The following ZBTB21 variants were observed in gnomAD, a reference collection of about 807,000 sequenced individuals.
ZBTB21 encodes zinc finger and BTB domain containing 21.
A neutral mutation model predicts 39.8 loss-of-function variants in ZBTB21; 10 were observed. The observed-to-expected ratio is 0.25, with a 90% CI of 0.16 to 0.43. The LOEUF (loss-of-function observed/expected upper bound fraction) is 0.43. ZBTB21 is among the 20% of genes least tolerant of loss of function. The pLI, the probability that ZBTB21 is intolerant of heterozygous loss-of-function variation, is 1.00. For missense variants in ZBTB21, 1,221 were observed against 1,296.3 expected (o/e 0.94, Z 0.89); for synonymous variants, 551 against 498.8 (o/e 1.10, Z -1.40).
Position 41,993,296 on chromosome 21 carries a change from G to C in ZBTB21, c.800C>G (p.Ala267Gly). ...GVSGQLPKGKALELALKRPRP... is the reference protein window; with the variant it reads ...GVSGQLPKGKGLELALKRPRP... ...TGGTCTCTTCAAAGCCAGCTCTAGA[G>C]CTTTTCCTTTTGGAAGCTGACCACT... The change falls in exon 3 of 3, where the codon GCT (alanine) becomes GGT (glycine). Residue 267 changes from alanine to glycine, a missense_variant. Physicochemically the swap from Ala to Gly is moderately conservative, Grantham distance 60. Around this residue, in one of 4 missense-constraint regions of ZBTB21, gnomAD observed 500 missense variants for 465.6 expected, o/e 1.07. Transcript: ENST00000310826. The C allele has an allele frequency of 6.2e-7, 1 of 1,613,142 alleles. No homozygotes were observed. The highest frequency in any genetic ancestry group is 1.3e-5 in the African/African-American group (1 of 75,026).
At position 41,994,080 on chromosome 21, in the gene ZBTB21, G is replaced by A; in HGVS notation, c.16C>T (p.His6Tyr). MEGLL[H>Y]YINPAHAISL... ...ATGGCGTGTGCAGGGTTGATGTAAT[G>A]CAGTAATCCCTCCATGGCTTGAGTT... is the stretch of plus-strand genomic sequence containing the variant. Residue 6 changes from histidine (H) to tyrosine (Y), a missense_variant, in exon 3 of 3, where the codon CAT becomes TAT. Transcript: ENST00000310826. The A allele has an allele frequency of 6.3e-7, 1 of 1,587,476 alleles. No individual in the cohort carries two copies. The highest frequency in any genetic ancestry group is 8.6e-7 in the Non-Finnish European group (1 of 1,167,358).
rs1174457939 is a variant in ZBTB21 at position 41,990,385 on chromosome 21, A to G, written c.*510T>C. 6.6e-6 allele frequency: 1 copy of G among 152,662 alleles called. No individual in the cohort carries two copies. The highest frequency in any genetic ancestry group is 2.4e-5 in the African/African-American group (1 of 41,460). 9.5% of individuals were successfully genotyped at this position (152,662 alleles called of 1,614,324 possible). ...ATATTTATTTTTATCAAGTGTCAGG[A>G]TAACTTATTAAAGTTGAGATTTATC... On this transcript the variant is annotated 3_prime_UTR_variant, in exon 3 of 3. Coordinates refer to ENST00000310826, the MANE Select transcript of ZBTB21 (RefSeq NM_001098402.2).
Position 41,987,668 on chromosome 21 carries a change from C to A in ZBTB21, c.*3227G>T, listed in dbSNP as rs2065595952. 1 of 152,166 alleles carries A rather than the reference C, an allele frequency of 6.6e-6. No homozygotes were observed. Among genetic ancestry groups the A allele is most frequent in the African/African-American group, 2.4e-5 (1 of 41,442 alleles). 9.4% of individuals were successfully genotyped at this position (152,166 alleles called of 1,614,324 possible). ...CTAATTACTTTTTACTAAGAAACTTCAAATAATTTTACTTCCTGAAGTTCC... is the reference window on the plus strand; with the variant it reads ...CTAATTACTTTTTACTAAGAAACTTAAAATAATTTTACTTCCTGAAGTTCC... On this transcript the variant is annotated 3_prime_UTR_variant, in exon 3 of 3. Coordinates refer to ENST00000310826, the MANE Select transcript of ZBTB21 (RefSeq NM_001098402.2).
chr21:42,006,247 T>G (rs757371370), intron 1 of ZBTB21, among the ~76,000 whole-genome samples: 18 of 152,004 alleles, frequency 1.2e-4, no homozygotes, highest in Non-Finnish European at 2.4e-4. Flanking sequence ...ATACCCTGTC[T>G]CTACTAAAAA....
chr21:42,004,945 T>C (rs1158981949), intron 1 of ZBTB21, among the ~76,000 whole-genome samples: 1 of 152,234 alleles, frequency 6.6e-6, no homozygotes, highest in Non-Finnish European at 1.5e-5. Context: ...CATCACTCAC[T>C]TGGTGACAAC....
At chr21:41,997,851 G>A in intron 2 of ZBTB21, among the ~76,000 whole-genome samples, 1 of 151,918 alleles carries the variant, frequency 6.6e-6, no homozygotes, top group East Asian at 1.9e-4. Flanking sequence ...CAGACACTTG[G>A]GTTGAGATGC....
At chr21:41,996,489 G>C (rs1365128407) in intron 2 of ZBTB21, among the ~76,000 whole-genome samples, 1 of 152,164 alleles carries the variant, frequency 6.6e-6, no homozygotes, top group Non-Finnish European at 1.5e-5. Context: ...AACGGCTGTA[G>C]TTACCCAATG....
At chr21:41,996,505 AC>A (rs1017687725) in intron 2 of ZBTB21, among the ~76,000 whole-genome samples, 6 of 152,106 alleles carry the variant, frequency 3.9e-5, no homozygotes, top group Admixed American at 3.3e-4. Flanking sequence ...CAATGCCTGT[AC>A]CCCCACTGTA....
chr21:42,003,162 T>C (rs764899395), intron 1 of ZBTB21, among the ~76,000 whole-genome samples: 6 of 152,260 alleles, frequency 3.9e-5, no homozygotes, highest in East Asian at 1.9e-4. Context: ...ACCCACCACA[T>C]AGGATTTTTA....
chr21:42,009,272 G>A (rs1434452821), intron 1 of ZBTB21: 1 of 152,226 alleles, frequency 6.6e-6, no homozygotes, highest in Non-Finnish European at 1.5e-5. Context: ...GAGCCCTCGT[G>A]GCTGGGACCG....
In ZBTB21 at chr21:41,991,959, C is replaced by G; in HGVS notation, c.2137G>C (p.Ala713Pro). ...VAKPKEHAPL[A>P]SPVENKEVYQ... ...ACCTCCTTGTTTTCTACTGGACTTGCAAGAGGAGCATGCTCTTTTGGTTTA... is the reference window on the plus strand; with the variant it reads ...ACCTCCTTGTTTTCTACTGGACTTGGAAGAGGAGCATGCTCTTTTGGTTTA... The change falls in exon 3 of 3, where the codon GCA becomes CCA. Residue 713 changes from alanine to proline, a missense_variant. Around this residue, in one of 4 missense-constraint regions of ZBTB21, gnomAD observed 523 missense variants for 542.5 expected, o/e 0.96. Coordinates refer to ENST00000310826, the MANE Select transcript of ZBTB21 (RefSeq NM_001098402.2). This position sits in a 1 kb window ranked among gnomAD's most constrained non-coding sequence, Gnocchi z 4.9. 1.2e-6 allele frequency: 2 copies of G among 1,614,108 alleles called. No individual in the cohort carries two copies. Among genetic ancestry groups the G allele is most frequent in the Non-Finnish European group, 1.7e-6 (2 of 1,180,032 alleles).
intron 2 of ZBTB21, among the ~76,000 whole-genome samples, chr21:41,999,197 G>A (rs1225412843): frequency 6.6e-6 from 1 of 152,192 alleles, no homozygotes; most frequent in Non-Finnish European, 1.5e-5. Context: ...GGGAAAAGCT[G>A]TAACACAGAA....
rs1268332462 is a variant in ZBTB21 at position 41,988,126 on chromosome 21, T to C, written c.*2769A>G. ...TCTACAAATCTTCAAATATTACTGT[T>C]AAAATGCACAATATTTGTTACCTCC... On this transcript the variant is annotated 3_prime_UTR_variant, in exon 3 of 3. Transcript: ENST00000310826. 1 of 152,230 alleles carries C rather than the reference T, an allele frequency of 6.6e-6. No homozygotes were observed. Among genetic ancestry groups the C allele is most frequent in the Admixed American group, 6.5e-5 (1 of 15,280 alleles). The allele number at this position is 152,230 out of a possible 1,614,324, so 9.4% of individuals were successfully genotyped here.
chr21:42,003,741 C>A (rs1235164911), intron 1 of ZBTB21, among the ~76,000 whole-genome samples: 1 of 152,170 alleles, frequency 6.6e-6, no homozygotes, highest in African/African-American at 2.4e-5. Context: ...CTTCTGGTCC[C>A]AAGCATTTCA....
In ZBTB21 at chr21:41,991,582, G is replaced by A. The variant is rs781748943; in HGVS notation, c.2514C>T (p.Ile838=). Residue 838 remains isoleucine, a synonymous_variant, in exon 3 of 3, where the codon ATC becomes ATT. Transcript: ENST00000310826. This position sits in a 1 kb window ranked among gnomAD's most constrained non-coding sequence, Gnocchi z 4.9. The part of the protein sequence containing the change: ...SQPEPNKVNH[I]VTTKDDNVFS... Reference sequence around the variant, plus strand: ...ACACGTTGTCGTCTTTTGTGGTGACGATGTGGTTTACTTTGTTGGGCTCAG... The same window carrying A: ...ACACGTTGTCGTCTTTTGTGGTGACAATGTGGTTTACTTTGTTGGGCTCAG... The A allele has an allele frequency of 5.6e-6, 9 of 1,614,074 alleles. No homozygotes were observed. The highest frequency in any genetic ancestry group is 4.0e-5 in the African/African-American group (3 of 74,916).
rs2065617966 is a variant in ZBTB21 at position 41,989,199 on chromosome 21, T to A, written c.*1696A>T. ...TGTGGAATTTTGGAGTTTTTTCAAG[T>A]GAAAGAATACAAGGCAAAATTTCAT... is the stretch of plus-strand genomic sequence containing the variant. On this transcript the variant is annotated 3_prime_UTR_variant, in exon 3 of 3. Transcript: ENST00000310826. The A allele has an allele frequency of 6.6e-6, 1 of 152,126 alleles. No individual in the cohort carries two copies. The highest frequency in any genetic ancestry group is 2.4e-5 in the African/African-American group (1 of 41,434). The allele number at this position is 152,126 out of a possible 1,614,324, so 9.4% of individuals were successfully genotyped here.
At position 41,994,014 on chromosome 21, in the gene ZBTB21, G is replaced by A; in HGVS notation, c.82C>T (p.Gln28Ter). 6.2e-7 allele frequency: 1 copy of A among 1,614,238 alleles called. No individual in the cohort carries two copies. The highest frequency in any genetic ancestry group is 8.5e-7 in the Non-Finnish European group (1 of 1,180,038). The change falls in exon 3 of 3, where the codon CAG (glutamine) becomes TAG (stop). Residue 28 changes from glutamine to a stop codon, truncating the protein, a stop_gained. Coordinates refer to ENST00000310826, the MANE Select transcript of ZBTB21 (RefSeq NM_001098402.2). LOFTEE classifies it low-confidence loss of function (END_TRUNC). ...ACAATCAGCAGCACATCACACAGCT[G>A]TCCTTTGAGACGCTCCTCATTCAGG... ...SALNEERLKG[Q>*]LCDVLLIVGD...
chr21:41,994,245 T>G, intron 2 of ZBTB21, 137 bp from the exon 3 acceptor site: 1 of 636,234 alleles, frequency 1.6e-6, no homozygotes, highest in African/African-American at 1.8e-5. Context: ...GCTCTATGAA[T>G]GAACAATCTT....
At chr21:42,008,342 CAAA>C (rs767411984) in intron 1 of ZBTB21, among the ~76,000 whole-genome samples, 69 of 54,296 alleles carry the variant, frequency 1.3e-3, no homozygotes, top group African/African-American at 4.9e-3. Context: ...CCCGTCTCTA[CAAA>C]AAAAAAAAAA....
Sources: gnomAD v4.1 joint callset for allele counts (sites outside exome capture counted in the v4.1 genomes callset) on GRCh38, gnomAD v4.1.1 for gene constraint, gnomAD v4.1.1 regional missense constraint, Gnocchi (gnomAD v3.1) non-coding constraint, MANE v1.5 for transcripts, NCBI Gene and HGNC (gene_info 2026-07-23, HGNC 2026-07-21) for gene names.